The following SLC22A23 variants were observed in gnomAD, a reference collection of about 807,000 sequenced individuals.
SLC22A23 encodes ion transporter protein.
SLC22A23 carries 26 observed loss-of-function variants against 61.0 expected under a neutral mutation model. The observed-to-expected ratio is 0.43, with a 90% CI of 0.31 to 0.59. The LOEUF (loss-of-function observed/expected upper bound fraction) is 0.59. SLC22A23 is among the 20% of genes least tolerant of loss of function. The probability of loss-of-function intolerance (pLI) is 0.11; values close to 1 mark genes in which losing one functional copy is unlikely to be tolerated. For synonymous variants in SLC22A23, 430 were observed against 413.9 expected (o/e 1.04, Z -0.47); for missense variants, 796 against 934.7 (o/e 0.85, Z 1.94).
Position 3,317,360 on chromosome 6 carries a change from G to A in SLC22A23, c.1082+6474C>T, listed in dbSNP as rs906053591. On this transcript the variant is annotated intron_variant, in intron 4 of 9. Transcript: ENST00000406686. The surrounding 1 kb of genome is among the most constrained non-coding windows in gnomAD (Gnocchi z 4.4). ...CCTGGAAGGGGCACCTTTCCGCAGTGTGCACAATTTCAGAGCAGCAGCTCT... is the reference window on the plus strand; with the variant it reads ...CCTGGAAGGGGCACCTTTCCGCAGTATGCACAATTTCAGAGCAGCAGCTCT... Among the ~76,000 whole-genome samples, 1 of 152,166 alleles carries A rather than the reference G, an allele frequency of 6.6e-6. No individual in the cohort carries two copies. The highest frequency in any genetic ancestry group is 2.1e-4 in the South Asian group (1 of 4,828).
chr6:3,381,182 C>T (rs1766928638), intron 3 of SLC22A23, among the ~76,000 whole-genome samples: 1 of 151,928 alleles, frequency 6.6e-6, no homozygotes, highest in South Asian at 2.1e-4. Flanking sequence ...AACTGAAGTC[C>T]CTTCCCGTGG....
chr6:3,412,279 A>G (rs994355679), intron 2 of SLC22A23, among the ~76,000 whole-genome samples: 14 of 152,234 alleles, frequency 9.2e-5, no homozygotes, highest in African/African-American at 3.1e-4. Context: ...CAAGGTCTAC[A>G]GGGCAAACAC....
intron 8 of SLC22A23, chr6:3,284,244 C>A: frequency 2.8e-6 from 1 of 351,714 alleles, no homozygotes. Context: ...AGCCGGGAGC[C>A]ATGCCTGGTG....
chr6:3,434,821 C>G (rs1248755177), intron 1 of SLC22A23, among the ~76,000 whole-genome samples: 1 of 152,100 alleles, frequency 6.6e-6, no homozygotes, highest in African/African-American at 2.4e-5. Context: ...TGATCGTATC[C>G]TCCCTTGTGC....
At chr6:3,434,112 G>A (rs879648076) in intron 1 of SLC22A23, among the ~76,000 whole-genome samples, 5 of 152,128 alleles carry the variant, frequency 3.3e-5, no homozygotes, top group African/African-American at 4.8e-5. Flanking sequence ...TCAGGAGTTC[G>A]AGACCAGCCT....
chr6:3,408,580 G>C (rs895228045), intron 3 of SLC22A23, among the ~76,000 whole-genome samples: 1 of 152,250 alleles, frequency 6.6e-6, no homozygotes, highest in Middle Eastern at 3.4e-3. Flanking sequence ...CTCTTCTGCT[G>C]AGCCCCAAAG....
intron 1 of SLC22A23, among the ~76,000 whole-genome samples, chr6:3,453,885 G>A (rs1319601032): frequency 1.3e-5 from 2 of 152,170 alleles, no homozygotes; most frequent in Non-Finnish European, 2.9e-5. Context: ...ACTCACCATA[G>A]TGTACATCCC....
At chr6:3,352,528 G>A (rs1031675513) in intron 3 of SLC22A23, among the ~76,000 whole-genome samples, 2 of 152,194 alleles carry the variant, frequency 1.3e-5, no homozygotes, top group South Asian at 4.1e-4. Context: ...GAGAGAAAGA[G>A]AGCAGGTGAG....
chr6:3,420,254 A>G (rs565662171), intron 1 of SLC22A23, among the ~76,000 whole-genome samples: 12 of 152,194 alleles, frequency 7.9e-5, no homozygotes, highest in African/African-American at 2.9e-4. Flanking sequence ...AAAAACCAAA[A>G]ACTGTGGAGT....
rs1045642375 is a variant in SLC22A23 at position 3,417,337 on chromosome 6, C to T, written c.655-1482G>A. ...CATCTGCTTCCAGAGTGATTTGCAA[C>T]GCCAGGCCCAGGAAGAAACGGAATA... is the stretch of plus-strand genomic sequence containing the variant. On this transcript the variant is annotated intron_variant, in intron 1 of 9. Transcript: ENST00000406686. Among the ~76,000 whole-genome samples the T allele has an allele frequency of 3.3e-5, 5 of 152,146 alleles. No individual in the cohort carries two copies. In the East Asian group the frequency reaches 7.7e-4, roughly 23 times the overall value.
chr6:3,341,304 T>C (rs1056327422), intron 3 of SLC22A23, among the ~76,000 whole-genome samples: 4 of 152,230 alleles, frequency 2.6e-5, no homozygotes, highest in African/African-American at 4.8e-5. Flanking sequence ...AGCATACTTT[T>C]TGTTGTAGTT....
chr6:3,292,931 G>C (rs1426312723), intron 5 of SLC22A23, among the ~76,000 whole-genome samples: 2 of 152,342 alleles, frequency 1.3e-5, no homozygotes, highest in South Asian at 4.1e-4. Flanking sequence ...CAGAGGGAGG[G>C]AAAGGAGGCC....
intron 3 of SLC22A23, among the ~76,000 whole-genome samples, chr6:3,339,552 C>A (rs1012898333): frequency 6.6e-6 from 1 of 152,074 alleles, no homozygotes; most frequent in Non-Finnish European, 1.5e-5. Flanking sequence ...GACAGGAGGT[C>A]GGCACAAAAG....
chr6:3,425,513 T>C (rs978653232), intron 1 of SLC22A23, among the ~76,000 whole-genome samples: 16 of 152,112 alleles, frequency 1.1e-4, no homozygotes, highest in Non-Finnish European at 2.1e-4. Flanking sequence ...CTCAATCTCC[T>C]GACCTCATGA....
At chr6:3,448,049 C>G (rs1034762494) in intron 1 of SLC22A23, among the ~76,000 whole-genome samples, 2 of 151,626 alleles carry the variant, frequency 1.3e-5, no homozygotes, top group Admixed American at 1.3e-4. Context: ...ATTACAGGCA[C>G]CCACCACCAT....
chr6:3,409,481 G>A (rs1769061055), intron 3 of SLC22A23, among the ~76,000 whole-genome samples: 1 of 152,092 alleles, frequency 6.6e-6, no homozygotes, highest in Non-Finnish European at 1.5e-5. Flanking sequence ...CAAAATACAT[G>A]GTAAATCTTA....
intron 1 of SLC22A23, among the ~76,000 whole-genome samples, chr6:3,428,619 C>T (rs1484928261): frequency 6.6e-6 from 1 of 152,174 alleles, no homozygotes; most frequent in African/African-American, 2.4e-5. Flanking sequence ...ATTCAGCATT[C>T]CCCAATTCTT....
At chr6:3,417,836 T>TG (rs1328563184) in intron 1 of SLC22A23, among the ~76,000 whole-genome samples, 1 of 152,252 alleles carries the variant, frequency 6.6e-6, no homozygotes, top group Admixed American at 6.5e-5. Context: ...TGGCTGCTGC[T>TG]GCTCTGCTCT....
At position 3,362,433 on chromosome 6, in the gene SLC22A23, AAATAAAAATTAGCATG is replaced by A. The variant is rs1328792777; in HGVS notation, c.914-38447_914-38432del. On this transcript the variant is annotated intron_variant, in intron 3 of 9. Coordinates refer to ENST00000406686, the MANE Select transcript of SLC22A23 (RefSeq NM_015482.2). The stretch of plus-strand genomic sequence containing the variant: ...AAAAAAAAATAAAATAAAAAATAAA[AAATAAAAATTAGCATG>A]CATTTTCATCAGGGATTGAAACACC... Among the ~76,000 whole-genome samples, 111 of 132,352 alleles carry A rather than the reference AAATAAAAATTAGCATG, an allele frequency of 8.4e-4. 1 individual carries two copies. The highest frequency in any genetic ancestry group is 3.5e-3 in the African/African-American group (106 of 29,912). The allele number at this position is 132,352 out of a possible 152,430, so 86.8% of individuals were successfully genotyped here.
Sources: gnomAD v4.1 joint callset for allele counts (sites outside exome capture counted in the v4.1 genomes callset) on GRCh38, gnomAD v4.1.1 for gene constraint, Gnocchi (gnomAD v3.1) non-coding constraint, MANE v1.5 for transcripts, NCBI Gene and HGNC (gene_info 2026-07-23, HGNC 2026-07-21) for gene names.